The following CR1L variants were observed in gnomAD, a reference collection of about 807,000 sequenced individuals.
The protein encoded by CR1L is complement C3b/C4b receptor 1 like, also known as complement component receptor 1-like protein.
In CR1L, 59 loss-of-function variants were observed where a neutral mutation model predicts 62.3. That is an observed-to-expected ratio of 0.95 (90% CI 0.77 to 1.18). The LOEUF (loss-of-function observed/expected upper bound fraction) is 1.18, where lower values mean the gene tolerates loss of function less well. Among genes scored for constraint, CR1L ranks in the 50% most tolerant of loss-of-function variants. CR1L has a pLI of 0.00. For synonymous variants in CR1L, 279 were observed against 248.7 expected (o/e 1.12, Z -1.15); for missense variants, 700 against 702.8 (o/e 1.00, Z 0.04).
intron 1 of CR1L, among the ~76,000 whole-genome samples, chr1:207,653,825 T>C (rs1187197767): frequency 6.6e-6 from 1 of 152,204 alleles, no homozygotes; most frequent in African/African-American, 2.4e-5. Flanking sequence ...TGAGACTAGA[T>C]AATTCATAAA....
chr1:207,680,200 G>C (rs898382791), intron 3 of CR1L, among the ~76,000 whole-genome samples: 2 of 152,218 alleles, frequency 1.3e-5, no homozygotes, highest in Non-Finnish European at 2.9e-5. Context: ...GGCTATCCAT[G>C]TATAGGGGCA....
At chr1:207,706,789 A>G (rs1241490808) in intron 9 of CR1L, among the ~76,000 whole-genome samples, 2 of 152,192 alleles carry the variant, frequency 1.3e-5, no homozygotes, top group African/African-American at 4.8e-5. Flanking sequence ...GCAAATTTTT[A>G]AAAAGGAGAA....
intron 10 of CR1L, chr1:207,711,209 A>G: frequency 4.5e-6 from 1 of 220,006 alleles, no homozygotes; most frequent in Non-Finnish European, 8.9e-6. Context: ...ATGCCACAAT[A>G]GCTGGCTTAG....
intron 1 of CR1L, chr1:207,657,038 T>A: frequency 1.7e-6 from 1 of 577,170 alleles, no homozygotes. Context: ...AAACCCTATA[T>A]TGACAAATTC....
chr1:207,697,990 ACAC>A, intron 7 of CR1L, 117 bp downstream of exon 7: 1 of 1,467,464 alleles, frequency 6.8e-7, no homozygotes, highest in South Asian at 1.3e-5. Context: ...ACACACACAC[ACAC>A]ACAATCAGAG....
intron 1 of CR1L, chr1:207,652,593 T>A: frequency 6.4e-7 from 1 of 1,553,490 alleles, no homozygotes; most frequent in Non-Finnish European, 8.9e-7. Flanking sequence ...AGCTCATTGG[T>A]AAACCAAAAC....
chr1:207,682,960 T>TATTC (rs1663823172), intron 3 of CR1L, among the ~76,000 whole-genome samples: 1 of 140,082 alleles, frequency 7.1e-6, no homozygotes, highest in African/African-American at 2.6e-5. Context: ...TTATAAATCA[T>TATTC]TTTCTTTCTT....
At position 207,706,013 on chromosome 1, in the gene CR1L, G is replaced by GTGTATA. The variant is rs1439643752; in HGVS notation, c.1329-2164_1329-2163insGTATAT. ...GTGTCATATATATGTGTGTGTGTATGTATATATATATATATATATATATAT... is the reference window on the plus strand; with the variant it reads ...GTGTCATATATATGTGTGTGTGTATGTGTATATATATATATATATATATATATATAT... On this transcript the variant is annotated intron_variant, in intron 9 of 11. Transcript: ENST00000508064. 4.5e-4 allele frequency among the ~76,000 whole-genome samples: 60 copies of GTGTATA among 133,598 alleles called. 2 individuals carry two copies. Among genetic ancestry groups the GTGTATA allele is most frequent in the Middle Eastern group, 7.9e-3 (2 of 254 alleles). The allele number at this position is 133,598 out of a possible 152,430, so 87.6% of individuals were successfully genotyped here.
chr1:207,662,525 G>A (rs1376688943), intron 1 of CR1L, among the ~76,000 whole-genome samples: 2 of 152,032 alleles, frequency 1.3e-5, no homozygotes, highest in African/African-American at 4.8e-5. Flanking sequence ...TCTCTGCATT[G>A]GTTATTCTAG....
intron 1 of CR1L, among the ~76,000 whole-genome samples, chr1:207,662,828 G>T (rs371768263): frequency 6.6e-6 from 1 of 152,132 alleles, no homozygotes; most frequent in East Asian, 1.9e-4. Context: ...GGTTTTTGGT[G>T]TGGATGTCCT....
At chr1:207,718,200 T>G (rs1470122366) in intron 11 of CR1L, among the ~76,000 whole-genome samples, 1 of 152,190 alleles carries the variant, frequency 6.6e-6, no homozygotes, top group Non-Finnish European at 1.5e-5. Flanking sequence ...CTATATTTAG[T>G]TGGTCCTTCA....
chr1:207,684,080 T>TGTG, intron 4 of CR1L, 123 bp downstream of exon 4: 2 of 861,428 alleles, frequency 2.3e-6, no homozygotes, highest in Non-Finnish European at 3.5e-6. Flanking sequence ...AAGACAGCCA[T>TGTG]AATGTTCTCA....
chr1:207,677,435 C>A lies in CR1L; in HGVS notation c.144C>A (p.Asn48Lys), dbSNP rs779759328. The A allele has an allele frequency of 6.2e-7, 1 of 1,613,448 alleles. No individual in the cohort carries two copies. Among genetic ancestry groups the A allele is most frequent in the South Asian group, 1.1e-5 (1 of 91,026 alleles). The change falls in exon 2 of 12, where the codon AAC becomes AAA. Residue 48 changes from asparagine to lysine, a missense_variant. Coordinates refer to ENST00000508064, the MANE Select transcript of CR1L (RefSeq NM_175710.2). The part of the protein sequence containing the change: ...PEWLPFARPT[N>K]LTDDFEFPIG... ...GGCTTCCATTTGCCAGGCCTACCAACCTAACTGATGACTTTGAGTTTCCCA... is the reference window on the plus strand; with the variant it reads ...GGCTTCCATTTGCCAGGCCTACCAAACTAACTGATGACTTTGAGTTTCCCA...
At chr1:207,714,846 A>T (rs920566565) in intron 10 of CR1L, among the ~76,000 whole-genome samples, 1 of 152,074 alleles carries the variant, frequency 6.6e-6, no homozygotes, top group Non-Finnish European at 1.5e-5. Flanking sequence ...GGCCTGTTAC[A>T]TTTGGAGTGG....
At chr1:207,662,720 G>A (rs1320169390) in intron 1 of CR1L, among the ~76,000 whole-genome samples, 5 of 152,160 alleles carry the variant, frequency 3.3e-5, no homozygotes, top group Admixed American at 1.3e-4. Context: ...GAGGAGAAGC[G>A]CTCTGATTTT....
intron 1 of CR1L, among the ~76,000 whole-genome samples, chr1:207,676,064 T>C (rs930740985): frequency 6.6e-6 from 1 of 152,172 alleles, no homozygotes; most frequent in African/African-American, 2.4e-5. Context: ...TGCATGAGTG[T>C]ATCTTACACT....
intron 10 of CR1L, among the ~76,000 whole-genome samples, chr1:207,709,462 C>A (rs1056962800): frequency 6.6e-6 from 1 of 152,070 alleles, no homozygotes; most frequent in African/African-American, 2.4e-5. Context: ...AATAAAGACA[C>A]ATGCCTTCTA....
chr1:207,661,145 T>C (rs1173549148), intron 1 of CR1L, among the ~76,000 whole-genome samples: 1 of 152,228 alleles, frequency 6.6e-6, no homozygotes, highest in East Asian at 1.9e-4. Context: ...GAGAGTTCTG[T>C]AGATGTCTAT....
intron 10 of CR1L, among the ~76,000 whole-genome samples, 171 bp from the exon 11 acceptor site, chr1:207,717,293 C>T (rs1171194675): frequency 6.6e-6 from 1 of 152,162 alleles, no homozygotes; most frequent in Non-Finnish European, 1.5e-5. Context: ...GGTCTCACAA[C>T]AGTTAGTTGC....
Sources: gnomAD v4.1 joint callset for allele counts (sites outside exome capture counted in the v4.1 genomes callset) on GRCh38, gnomAD v4.1.1 for gene constraint, MANE v1.5 for transcripts, NCBI Gene and HGNC (gene_info 2026-07-23, HGNC 2026-07-21) for gene names.